Variants in SARDH observed in about 807,000 individuals in gnomAD.
The protein encoded by SARDH is sarcosine dehydrogenase.
A neutral mutation model predicts 109.1 loss-of-function variants in SARDH; 95 were observed. The observed-to-expected ratio is 0.87, with a 90% confidence interval of 0.74 to 1.03. The LOEUF (loss-of-function observed/expected upper bound fraction) is 1.03. SARDH is among the 50% of genes least tolerant of loss of function. The pLI, the probability that SARDH is intolerant of heterozygous loss-of-function variation, is 0.00. For missense variants in SARDH, 1,267 were observed against 1,287.8 expected (o/e 0.98, Z 0.25); for synonymous variants, 572 against 534.8 (o/e 1.07, Z -0.96).
In SARDH at chr9:133,732,498, C is replaced by G; in HGVS notation, c.435G>C (p.Thr145=). The G allele has an allele frequency of 6.2e-7, 1 of 1,613,744 alleles. No homozygotes were observed. Among genetic ancestry groups the G allele is most frequent in the Non-Finnish European group, 8.5e-7 (1 of 1,179,842 alleles). ...AGAGGCCCCCATTCTGGATCCAGCC[C>G]GTGTGTAGTCCCGTCTCCTCCTCCA... The part of the protein sequence containing the change: ...RELEEETGLH[T]GWIQNGGLFI... The change falls in exon 3 of 21, where the codon ACG becomes ACC. Residue 145 remains threonine, a synonymous_variant. Transcript: ENST00000439388.
At chr9:133,703,311 C>T (rs963121681) in intron 12 of SARDH, 10 of 471,266 alleles carry the variant, frequency 2.1e-5, no homozygotes, top group Admixed American at 1.0e-4. Flanking sequence ...AGGTGGGGAA[C>T]GACAGGGAGA....
chr9:133,708,334 C>T lies in SARDH; in HGVS notation c.1423G>A (p.Asp475Asn), dbSNP rs1475214840. The change falls in exon 11 of 21, where the codon GAT becomes AAT. Residue 475 changes from aspartate (D) to asparagine (N), a missense_variant. Transcript: ENST00000439388. Reference protein sequence around the residue: ...AKNYSVVFPHDEPLAGRNMRR... With the variant: ...AKNYSVVFPHNEPLAGRNMRR... The stretch of plus-strand genomic sequence containing the variant: ...ATGTTGCGCCCGGCCAGCGGCTCAT[C>T]GTGGGGGAAGACGACGGAGTAGTTC... The T allele has an allele frequency of 3.1e-6, 5 of 1,613,214 alleles. No homozygotes were observed. The highest frequency in any genetic ancestry group is 2.7e-5 in the African/African-American group (2 of 74,922).
At chr9:133,723,169 G>T (rs905104428) in intron 6 of SARDH, among the ~76,000 whole-genome samples, 3 of 152,162 alleles carry the variant, frequency 2.0e-5, no homozygotes, top group African/African-American at 7.2e-5. Flanking sequence ...TCACGTTCAT[G>T]AAATGAAAGA....
chr9:133,670,222 G>A (rs909696820), intron 19 of SARDH, among the ~76,000 whole-genome samples: 2 of 151,912 alleles, frequency 1.3e-5, no homozygotes, highest in Non-Finnish European at 2.9e-5. Flanking sequence ...CCAGCTACTT[G>A]GGAGGCTGAG....
intron 4 of SARDH, among the ~76,000 whole-genome samples, chr9:133,730,955 C>T (rs1389942350): frequency 6.6e-5 from 10 of 152,064 alleles, no homozygotes; most frequent in Non-Finnish European, 1.5e-4. Flanking sequence ...ACAGCCTGGG[C>T]GACAGAGCGA....
intron 17 of SARDH, among the ~76,000 whole-genome samples, chr9:133,674,654 A>G (rs1337963905): frequency 2.0e-5 from 3 of 152,218 alleles, no homozygotes; most frequent in Admixed American, 2.0e-4. Context: ...AAGAGTCTCC[A>G]ACAAGTGGTG....
In SARDH at chr9:133,712,962, C is replaced by G; in HGVS notation, c.1237+76G>C. The G allele has an allele frequency of 7.0e-7, 1 of 1,422,416 alleles. No individual in the cohort carries two copies. The highest frequency in any genetic ancestry group is 9.7e-7 in the Non-Finnish European group (1 of 1,034,712). 88.1% of individuals were successfully genotyped at this position (1,422,416 alleles called of 1,614,324 possible). On this transcript the variant is annotated intron_variant, in intron 9 of 20. Coordinates refer to ENST00000439388, the MANE Select transcript of SARDH (RefSeq NM_001134707.2). The surrounding 1 kb of genome is among the most constrained non-coding windows in gnomAD (Gnocchi z 4.1). ...ACTGTCGGGGGCCACGGTGCTCCTG[C>G]GCCCGCCTCCCCCAGAGCTCTGGGA...
intron 3 of SARDH, among the ~76,000 whole-genome samples, chr9:133,732,059 G>C (rs1588458296): frequency 6.6e-6 from 1 of 152,164 alleles, no homozygotes; most frequent in African/African-American, 2.4e-5. Flanking sequence ...TCTGAATGAA[G>C]CCTGGCAAAG....
chr9:133,722,840 G>A (rs2131479998), intron 6 of SARDH, among the ~76,000 whole-genome samples: 2 of 152,168 alleles, frequency 1.3e-5, no homozygotes, highest in South Asian at 4.2e-4. Context: ...TGTGTTTTTA[G>A]TAGAGACAGG....
In SARDH at chr9:133,667,112, G is replaced by A. The variant is rs969369903; in HGVS notation, c.2496-242C>T. On this transcript the variant is annotated intron_variant, in intron 19 of 20. Transcript: ENST00000439388. ...ATAGAAAACATCAAAACCAGGAGTG[G>A]ACTTTGCTGTTTCCAGAAGCGAGCC... 3.1e-4 allele frequency: 183 copies of A among 597,360 alleles called. 1 individual carries two copies. Among genetic ancestry groups the A allele is most frequent in the Non-Finnish European group, 5.0e-4 (167 of 336,698 alleles). The allele number at this position is 597,360 out of a possible 1,614,324, so 37.0% of individuals were successfully genotyped here.
intron 11 of SARDH, among the ~76,000 whole-genome samples, chr9:133,707,044 T>C (rs1228580669): frequency 6.6e-6 from 1 of 152,118 alleles, no homozygotes; most frequent in Admixed American, 6.5e-5. Flanking sequence ...AGGCAAACTG[T>C]TCATCTCAAG....
chr9:133,707,674 C>T (rs963794238), intron 11 of SARDH, among the ~76,000 whole-genome samples: 2 of 152,118 alleles, frequency 1.3e-5, no homozygotes, highest in African/African-American at 2.4e-5. Flanking sequence ...AGCCCCTGTT[C>T]CCCAGAAAGC....
In SARDH at chr9:133,686,852, C is replaced by T. The variant is rs528508683; in HGVS notation, c.2070-1566G>A. On this transcript the variant is annotated intron_variant, in intron 16 of 20. Coordinates refer to ENST00000439388, the MANE Select transcript of SARDH (RefSeq NM_001134707.2). The surrounding 1 kb of genome is among the most constrained non-coding windows in gnomAD (Gnocchi z 4.0). ...CCCTTATGTAACCACTCAGCACCCA[C>T]GTGGTGCCAAGCCCTGGAGAGTGAT... Among the ~76,000 whole-genome samples, 7 of 152,346 alleles carry T rather than the reference C, an allele frequency of 4.6e-5. No homozygotes were observed. In the East Asian group the frequency reaches 7.7e-4, roughly 17 times the overall value.
Position 133,733,976 on chromosome 9 carries a change from C to T in SARDH, c.198G>A (p.Thr66=), listed in dbSNP as rs572727005. The stretch of plus-strand genomic sequence containing the variant: ...CTCCACCAATGACCACCACGTTGGC[C>T]GTGCTGGGCAGGGGCCGGCTTGGGC... ...AQGPSRPLPS[T]ANVVVIGGGS... The change falls in exon 2 of 21, where the codon ACG becomes ACA. Residue 66 remains threonine (T), a synonymous_variant. Transcript: ENST00000439388. 5.0e-6 allele frequency: 8 copies of T among 1,611,806 alleles called. No homozygotes were observed. Among genetic ancestry groups the T allele is most frequent in the South Asian group, 3.3e-5 (3 of 90,932 alleles).
intron 16 of SARDH, 129 bp downstream of exon 16, chr9:133,690,251 T>C: frequency 1.0e-6 from 1 of 1,003,086 alleles, no homozygotes; most frequent in Non-Finnish European, 1.4e-6. Flanking sequence ...ATGGCATCTC[T>C]GGTTTACCAG....
intron 14 of SARDH, among the ~76,000 whole-genome samples, chr9:133,695,759 G>C (rs1165971535): frequency 6.6e-6 from 1 of 152,048 alleles, no homozygotes; most frequent in East Asian, 1.9e-4. Flanking sequence ...GTGACGAAAA[G>C]GCAGATGAAG....
chr9:133,714,910 C>T (rs1241705789), intron 8 of SARDH, among the ~76,000 whole-genome samples: 1 of 152,166 alleles, frequency 6.6e-6, no homozygotes, highest in Non-Finnish European at 1.5e-5. Flanking sequence ...AGGGAATCTG[C>T]GGGGAGCGCT....
chr9:133,676,289 C>T (rs1830508178), intron 17 of SARDH, among the ~76,000 whole-genome samples: 1 of 152,186 alleles, frequency 6.6e-6, no homozygotes, highest in African/African-American at 2.4e-5. Flanking sequence ...TGATTCCACT[C>T]ATATGAGGTC....
rs190657238 is a variant in SARDH, at chr9:133,692,488, G to A, written c.1921+1770C>T. On this transcript the variant is annotated intron_variant, in intron 15 of 20. Transcript: ENST00000439388. This position sits in a 1 kb window ranked among gnomAD's most constrained non-coding sequence, Gnocchi z 5.0. The stretch of plus-strand genomic sequence containing the variant: ...CACTGGTTCTCACCTCTACACCCTT[G>A]TAGCCAGTGGCTCCTCCCCATCCTT... 1.3e-5 allele frequency among the ~76,000 whole-genome samples: 2 copies of A among 152,240 alleles called. No individual in the cohort carries two copies. The highest frequency in any genetic ancestry group is 1.9e-4 in the East Asian group (1 of 5,170).
Sources: allele counts gnomAD v4.1 joint callset (sites outside exome capture counted in the v4.1 genomes callset), GRCh38; gene constraint gnomAD v4.1.1; non-coding constraint Gnocchi (gnomAD v3.1); transcripts MANE v1.5; gene names NCBI Gene and HGNC (gene_info 2026-07-23, HGNC 2026-07-21).